NRG1: variants seen among roughly 807,000 people sequenced by gnomAD.
The protein encoded by NRG1 is neuregulin 1, also known as pro-neuregulin-1, membrane-bound isoform.
In NRG1, 18 loss-of-function variants were observed where a neutral mutation model predicts 63.8. The ratio of observed to expected loss-of-function variants is 0.28; its 90% CI spans 0.19 to 0.42. The LOEUF is 0.42. NRG1 is among the 10% of genes least tolerant of loss of function. NRG1 has a pLI of 1.00. For synonymous variants in NRG1, 302 were observed against 301.3 expected (o/e 1.00, Z -0.02); for missense variants, 762 against 814.7 (o/e 0.94, Z 0.79).
intron 1 of NRG1, among the ~76,000 whole-genome samples, chr8:32,015,510 A>G (rs1815379846): frequency 6.6e-6 from 1 of 152,154 alleles, no homozygotes; most frequent in Non-Finnish European, 1.5e-5. Flanking sequence ...CTCAGTAAAC[A>G]ATGCACTTAA....
chr8:32,616,699 T>C (rs1402625623), intron 4 of NRG1, 136 bp from the exon 5 acceptor site: 12 of 728,098 alleles, frequency 1.6e-5, no homozygotes, highest in Non-Finnish European at 3.0e-5. Context: ...TTCTGACTTA[T>C]AAATGCTTCA....
intron 1 of NRG1, among the ~76,000 whole-genome samples, chr8:31,858,325 C>T (rs555167037): frequency 2.6e-5 from 4 of 151,686 alleles, no homozygotes; most frequent in Admixed American, 6.6e-5. Flanking sequence ...GTGAAGTTGC[C>T]GAAGAACTCA....
At chr8:32,610,667 G>A (rs912635090) in intron 3 of NRG1, among the ~76,000 whole-genome samples, 1 of 152,100 alleles carries the variant, frequency 6.6e-6, no homozygotes, top group African/African-American at 2.4e-5. Flanking sequence ...AGAAATGTAG[G>A]TGTTTTCTGT....
At chr8:32,180,663 A>G (rs1037757311) in intron 1 of NRG1, among the ~76,000 whole-genome samples, 1 of 152,110 alleles carries the variant, frequency 6.6e-6, no homozygotes, top group Admixed American at 6.6e-5. Context: ...ATGTATATTT[A>G]TGGTGTACAG....
chr8:32,548,638 A>ACAAACTTTTCC, exon 1 of NRG1: 1 of 1,461,818 alleles, frequency 6.8e-7, no homozygotes, highest in Non-Finnish European at 9.0e-7. Context: ...CCCTCGAGGG[A>ACAAACTTTTCC]CAAACTTTTC....
intron 1 of NRG1, among the ~76,000 whole-genome samples, chr8:31,967,127 C>T (rs1401776570): frequency 6.6e-6 from 1 of 151,998 alleles, no homozygotes; most frequent in South Asian, 2.1e-4. Flanking sequence ...GGATGGCCTT[C>T]AGTACTTTAC....
At chr8:31,755,407 A>T (rs765451731) in intron 1 of NRG1, among the ~76,000 whole-genome samples, 1 of 152,112 alleles carries the variant, frequency 6.6e-6, no homozygotes, top group South Asian at 2.1e-4. Flanking sequence ...GAATGCATTC[A>T]GATCCACACT....
intron 5 of NRG1, among the ~76,000 whole-genome samples, chr8:32,667,545 C>T (rs757241144): frequency 5.1e-4 from 78 of 152,112 alleles, no homozygotes; most frequent in Non-Finnish European, 9.8e-4. Flanking sequence ...TGGAAACATA[C>T]TGATAAACAT....
chr8:32,307,375 G>A (rs940840447), intron 1 of NRG1, among the ~76,000 whole-genome samples: 1 of 151,890 alleles, frequency 6.6e-6, no homozygotes, highest in African/African-American at 2.4e-5. Flanking sequence ...GAACGTGCAA[G>A]TTAGTCAGCA....
intron 1 of NRG1, among the ~76,000 whole-genome samples, chr8:31,846,510 G>A (rs1250119609): frequency 6.6e-6 from 1 of 152,092 alleles, no homozygotes; most frequent in African/African-American, 2.4e-5. Context: ...TATTTTTAAG[G>A]ACTAATGTGT....
At chr8:31,674,306 G>T (rs1039432140) in intron 1 of NRG1, among the ~76,000 whole-genome samples, 1 of 152,098 alleles carries the variant, frequency 6.6e-6, no homozygotes, top group Non-Finnish European at 1.5e-5. Context: ...GGGTCATATG[G>T]TAAATCTGTT....
chr8:32,259,564 C>T (rs950710892), intron 1 of NRG1, among the ~76,000 whole-genome samples: 7 of 152,096 alleles, frequency 4.6e-5, no homozygotes, highest in African/African-American at 1.7e-4. Context: ...TGATGGTATT[C>T]TGTTATAGCA....
At chr8:32,109,627 C>T (rs1831738887) in intron 1 of NRG1, among the ~76,000 whole-genome samples, 1 of 152,062 alleles carries the variant, frequency 6.6e-6, no homozygotes, top group South Asian at 2.1e-4. Context: ...GGCATTACAT[C>T]CAGGAGGTCA....
At chr8:32,175,696 A>G (rs1247198735) in intron 1 of NRG1, among the ~76,000 whole-genome samples, 4 of 152,212 alleles carry the variant, frequency 2.6e-5, no homozygotes, top group Non-Finnish European at 5.9e-5. Context: ...TAACAGACAA[A>G]CAGAGAGCCA....
At chr8:32,059,248 C>A (rs1020526130) in intron 1 of NRG1, among the ~76,000 whole-genome samples, 2 of 151,772 alleles carry the variant, frequency 1.3e-5, no homozygotes, top group African/African-American at 4.8e-5. Context: ...TACTCTCTAT[C>A]ATATTATCTA....
chr8:32,553,754 C>CT (rs1257828604), intron 1 of NRG1, among the ~76,000 whole-genome samples: 3 of 152,126 alleles, frequency 2.0e-5, no homozygotes, highest in Non-Finnish European at 4.4e-5. Context: ...CCCTCACTAT[C>CT]TTTTTATCAA....
At chr8:32,603,720 C>A (rs908387325) in intron 2 of NRG1, among the ~76,000 whole-genome samples, 2 of 152,170 alleles carry the variant, frequency 1.3e-5, no homozygotes, top group African/African-American at 4.8e-5. Context: ...CGTGATCTGT[C>A]TTCCTCGGCC....
At chr8:31,802,629 A>T (rs974163606) in intron 1 of NRG1, among the ~76,000 whole-genome samples, 2 of 152,170 alleles carry the variant, frequency 1.3e-5, no homozygotes, top group African/African-American at 4.8e-5. Context: ...CTGTAAAACC[A>T]CATCCTACTG....
intron 1 of NRG1, among the ~76,000 whole-genome samples, chr8:31,727,852 A>T (rs1813603241): frequency 6.6e-6 from 1 of 152,206 alleles, no homozygotes; most frequent in Admixed American, 6.6e-5. Flanking sequence ...CAATTGTAAC[A>T]GTATACCAAC....
Sources: gnomAD v4.1 joint callset for allele counts (sites outside exome capture counted in the v4.1 genomes callset) on GRCh38, gnomAD v4.1.1 for gene constraint, MANE v1.5 for transcripts, NCBI Gene and HGNC (gene_info 2026-07-23, HGNC 2026-07-21) for gene names.